ZFAND6: variants seen among roughly 807,000 people sequenced by gnomAD.
The protein encoded by ZFAND6 is zinc finger AN1-type containing 6.
A neutral mutation model predicts 24.5 loss-of-function variants in ZFAND6; 12 were observed. The observed-to-expected ratio is 0.49, with a 90% confidence interval of 0.31 to 0.79. The LOEUF (loss-of-function observed/expected upper bound fraction) is 0.79, where lower values mean the gene tolerates loss of function less well. ZFAND6 is among the 30% of genes least tolerant of loss of function. The pLI is 0.04. For missense variants in ZFAND6, 207 were observed against 245.9 expected (o/e 0.84, Z 1.06); for synonymous variants, 92 against 81.5 (o/e 1.13, Z -0.69).
chr15:80,089,590 A>G (rs1462698519), intron 1 of ZFAND6, among the ~76,000 whole-genome samples: 1 of 151,924 alleles, frequency 6.6e-6, no homozygotes, highest in Non-Finnish European at 1.5e-5. Flanking sequence ...GCATTCAACT[A>G]TATGTTGAAT....
rs140355387 is a variant in ZFAND6, at chr15:80,115,513, G to A, written c.-17-4815G>A. ...ATGCCAGACTGATTGCCCCAAAAAG[G>A]TATAGTAGCAAAGGGAGGGAGGCAG... On this transcript the variant is annotated intron_variant, in intron 2 of 6. Coordinates refer to ENST00000261749, the MANE Select transcript of ZFAND6 (RefSeq NM_019006.4). Among the ~76,000 whole-genome samples, 1,115 of 152,212 alleles carry A rather than the reference G, an allele frequency of 7.3e-3. 9 individuals are homozygous for A. The highest frequency in any genetic ancestry group is 0.021 in the African/African-American group (885 of 41,514).
At chr15:80,097,720 A>ATG (rs1264184883) in intron 1 of ZFAND6, among the ~76,000 whole-genome samples, 1 of 152,200 alleles carries the variant, frequency 6.6e-6, no homozygotes, top group African/African-American at 2.4e-5. Flanking sequence ...ATGACTGCCT[A>ATG]TGTAATACAT....
intron 1 of ZFAND6, among the ~76,000 whole-genome samples, chr15:80,085,467 A>G (rs1381668435): frequency 2.0e-5 from 3 of 152,134 alleles, no homozygotes; most frequent in African/African-American, 7.2e-5. Context: ...TTCGTAATCA[A>G]CTCCCAAAAT....
chr15:80,124,643 C>A (rs1254964457), intron 5 of ZFAND6, among the ~76,000 whole-genome samples: 1 of 152,122 alleles, frequency 6.6e-6, no homozygotes, highest in Non-Finnish European at 1.5e-5. Flanking sequence ...CTCCACTTAG[C>A]CCTGAGTATA....
intron 1 of ZFAND6, chr15:80,060,527 A>G (rs906546938): frequency 3.9e-5 from 6 of 152,146 alleles, no homozygotes; most frequent in South Asian, 2.1e-4. Flanking sequence ...TTGGGACGCT[A>G]TGATTTACCT....
intron 2 of ZFAND6, among the ~76,000 whole-genome samples, chr15:80,103,523 A>G (rs1268093934): frequency 6.6e-6 from 1 of 152,206 alleles, no homozygotes; most frequent in African/African-American, 2.4e-5. Context: ...ATGGTATAGT[A>G]TATCAGCCCG....
At chr15:80,075,682 G>C (rs964771313) in intron 1 of ZFAND6, among the ~76,000 whole-genome samples, 1 of 152,012 alleles carries the variant, frequency 6.6e-6, no homozygotes, top group Non-Finnish European at 1.5e-5. Context: ...GCAGTAAGTT[G>C]ATAAAACTTG....
At chr15:80,063,039 T>A (rs1376838738) in intron 1 of ZFAND6, among the ~76,000 whole-genome samples, 2 of 152,194 alleles carry the variant, frequency 1.3e-5, no homozygotes, top group Admixed American at 6.5e-5. Context: ...AATTTGTAAA[T>A]TACAGTATCT....
chr15:80,086,079 C>T (rs949864029), intron 1 of ZFAND6, among the ~76,000 whole-genome samples: 1 of 152,140 alleles, frequency 6.6e-6, no homozygotes, highest in African/African-American at 2.4e-5. Context: ...CCTCTTGTTG[C>T]CCAGGCTGGA....
intron 1 of ZFAND6, among the ~76,000 whole-genome samples, chr15:80,089,264 T>C (rs960080325): frequency 7.5e-6 from 1 of 132,714 alleles, no homozygotes; most frequent in South Asian, 2.7e-4. Flanking sequence ...TGTGTGTTTT[T>C]TTTTTTTTTT....
At position 80,094,933 on chromosome 15, in the gene ZFAND6, C is replaced by T. The variant is rs192004815; in HGVS notation, c.-180-3483C>T. Among the ~76,000 whole-genome samples, 47 of 152,162 alleles carry T rather than the reference C, an allele frequency of 3.1e-4. No homozygotes were observed. In the East Asian group the frequency reaches 6.0e-3, roughly 19 times the overall value. On this transcript the variant is annotated intron_variant, in intron 1 of 6. Transcript: ENST00000261749. ...AGGATTACAAGAGTGCCATCACGCC[C>T]GGCTCGTTTTTGTATTTTTAGTAGA...
intron 1 of ZFAND6, among the ~76,000 whole-genome samples, chr15:80,097,469 G>A (rs2038791724): frequency 6.6e-6 from 1 of 152,024 alleles, no homozygotes; most frequent in African/African-American, 2.4e-5. Context: ...CCGATATGGT[G>A]AAACTCTGTT....
intron 1 of ZFAND6, among the ~76,000 whole-genome samples, chr15:80,062,798 A>G (rs1265121097): frequency 6.6e-6 from 1 of 152,240 alleles, no homozygotes; most frequent in Non-Finnish European, 1.5e-5. Flanking sequence ...TAACACCATG[A>G]TAGATAACTA....
rs12591829 is a variant in ZFAND6, at chr15:80,119,802, A to G, written c.-17-526A>G. On this transcript the variant is annotated intron_variant, in intron 2 of 6. Coordinates refer to ENST00000261749, the MANE Select transcript of ZFAND6 (RefSeq NM_019006.4). ...GCTAACTTGCTTTCCAAAAAGATTG[A>G]ACCAATTTATTATCATTTTACAAGC... is the stretch of plus-strand genomic sequence containing the variant. Among the ~76,000 whole-genome samples the G allele has an allele frequency of 0.021, 3,128 of 152,292 alleles. 228 individuals carry two copies. The East Asian group carries it at 0.22, about 11-fold the overall frequency.
chr15:80,117,458 G>A (rs1000411900), intron 2 of ZFAND6, among the ~76,000 whole-genome samples: 9 of 152,148 alleles, frequency 5.9e-5, no homozygotes, highest in African/African-American at 2.2e-4. Context: ...TCCAGACCTC[G>A]TGATCCTCCT....
chr15:80,100,281 C>T (rs940863405), intron 2 of ZFAND6, among the ~76,000 whole-genome samples: 1 of 152,116 alleles, frequency 6.6e-6, no homozygotes, highest in Admixed American at 6.5e-5. Context: ...ACTTCAACAC[C>T]CTTCCCTCCT....
chr15:80,105,021 G>A (rs984309073), intron 2 of ZFAND6, among the ~76,000 whole-genome samples: 4 of 152,136 alleles, frequency 2.6e-5, no homozygotes, highest in African/African-American at 9.7e-5. Flanking sequence ...CCTGTTGCTT[G>A]TGGGTTTAAG....
intron 1 of ZFAND6, among the ~76,000 whole-genome samples, chr15:80,089,804 A>G (rs2038241336): frequency 6.6e-6 from 1 of 151,234 alleles, no homozygotes; most frequent in Non-Finnish European, 1.5e-5. Context: ...TTTCCTTTTT[A>G]TTTTTCTAAT....
At chr15:80,130,192 TGTTAA>T (rs1379921419) in intron 5 of ZFAND6, 1 of 151,928 alleles carries the variant, frequency 6.6e-6, no homozygotes, top group Non-Finnish European at 1.5e-5. Flanking sequence ...TTGGAAAAGG[TGTTAA>T]GGAAAATCAG....
Sources: allele counts gnomAD v4.1 joint callset (sites outside exome capture counted in the v4.1 genomes callset), GRCh38; gene constraint gnomAD v4.1.1; transcripts MANE v1.5; gene names NCBI Gene and HGNC (gene_info 2026-07-23, HGNC 2026-07-21).